FRMD4A: variants seen among roughly 807,000 people sequenced by gnomAD.
The protein encoded by FRMD4A is FERM domain containing 4A.
A neutral mutation model predicts 129.1 loss-of-function variants in FRMD4A; 29 were observed. The observed-to-expected ratio is 0.22, with a 90% CI of 0.17 to 0.31. The LOEUF (loss-of-function observed/expected upper bound fraction) is 0.31. Among genes scored for constraint, FRMD4A ranks in the 10% least tolerant of loss-of-function variants. The pLI, the probability that FRMD4A is intolerant of heterozygous loss-of-function variation, is 1.00. For synonymous variants in FRMD4A, 634 were observed against 571.6 expected, an observed-to-expected ratio of 1.11 and a Z score of -1.56; for missense variants, 1,272 against 1,375.8, an observed-to-expected ratio of 0.92 and a Z score of 1.19.
chr10:14,077,976 G>A (rs1482239741), intron 2 of FRMD4A, among the ~76,000 whole-genome samples: 3 of 152,122 alleles, frequency 2.0e-5, no homozygotes, highest in Admixed American at 6.5e-5. Flanking sequence ...AGATGAGAAA[G>A]GTTTTATAAG....
At chr10:14,307,425 T>G (rs1414862263) in intron 2 of FRMD4A, among the ~76,000 whole-genome samples, 1 of 152,212 alleles carries the variant, frequency 6.6e-6, no homozygotes, top group Non-Finnish European at 1.5e-5. Flanking sequence ...AGGTTGTCAT[T>G]AGTGACATTC....
chr10:14,315,633 G>T (rs543717723), intron 2 of FRMD4A, among the ~76,000 whole-genome samples: 12 of 152,284 alleles, frequency 7.9e-5, no homozygotes, highest in Non-Finnish European at 1.3e-4. Flanking sequence ...TATGGATCAA[G>T]CTCCTCAGCA....
At chr10:13,651,756 A>G in intron 24 of FRMD4A, 147 bp downstream of exon 24, 1 of 630,058 alleles carries the variant, frequency 1.6e-6, no homozygotes, top group East Asian at 2.7e-5. Context: ...TCAGCTAAAA[A>G]CATAGTTCCA....
chr10:14,163,889 G>C (rs1407364585), intron 2 of FRMD4A, among the ~76,000 whole-genome samples: 2 of 152,110 alleles, frequency 1.3e-5, no homozygotes, highest in Non-Finnish European at 2.9e-5. Flanking sequence ...ACTGGCTTGG[G>C]GCCTCTCCGA....
intron 2 of FRMD4A, among the ~76,000 whole-genome samples, chr10:14,040,374 G>A (rs1285755737): frequency 6.6e-6 from 1 of 152,040 alleles, no homozygotes; most frequent in African/African-American, 2.4e-5. Flanking sequence ...GGCTGTAGGG[G>A]TGGTTTCTGG....
rs568514807 is a variant in FRMD4A at position 13,654,485 on chromosome 10, G to A, written c.2981C>T (p.Ser994Leu). Residue 994 changes from serine to leucine, a missense_variant, in exon 23 of 25, where the codon TCG becomes TTG. This residue lies in a region of FRMD4A where 972 missense variants were observed against 892.3 expected (regional missense o/e 1.09). Transcript: ENST00000357447. ...GGCTCCAATTTCACTTGACGGTGTC[G>A]AGCTTCTCTGGCTTTGAGGTAAGGC... ...SAALPQSQRSSTPSSEIGATP... is the reference protein window; with the variant it reads ...SAALPQSQRSLTPSSEIGATP... 29 of 1,613,654 alleles carry A rather than the reference G, an allele frequency of 1.8e-5. No homozygotes were observed. Among genetic ancestry groups the A allele is most frequent in the Middle Eastern group, 1.6e-4 (1 of 6,062 alleles).
At chr10:14,267,769 G>T (rs1211227488) in intron 2 of FRMD4A, among the ~76,000 whole-genome samples, 1 of 152,254 alleles carries the variant, frequency 6.6e-6, no homozygotes, top group Non-Finnish European at 1.5e-5. Context: ...CTAACTAGGT[G>T]TCCTGGAGAA....
intron 2 of FRMD4A, among the ~76,000 whole-genome samples, chr10:14,179,539 A>G (rs912218747): frequency 6.6e-6 from 1 of 152,184 alleles, no homozygotes; most frequent in Non-Finnish European, 1.5e-5. Context: ...CATTTATAAT[A>G]TAAATATCCG....
chr10:13,749,717 G>A (rs183199727), intron 8 of FRMD4A, among the ~76,000 whole-genome samples: 22 of 152,176 alleles, frequency 1.4e-4, no homozygotes, highest in African/African-American at 4.8e-4. Context: ...GGCCAGGCGT[G>A]GTGGCTCATG....
At chr10:14,182,887 A>T (rs544083322) in intron 2 of FRMD4A, among the ~76,000 whole-genome samples, 2 of 152,286 alleles carry the variant, frequency 1.3e-5, no homozygotes, top group East Asian at 3.9e-4. Flanking sequence ...ACGTTGGGAG[A>T]AGTACTCATT....
intron 2 of FRMD4A, chr10:14,083,797 T>C (rs1199117279): frequency 6.6e-6 from 1 of 152,126 alleles, no homozygotes; most frequent in African/African-American, 2.4e-5. Flanking sequence ...ACAGAAAATC[T>C]TGGAATGAGC....
intron 2 of FRMD4A, chr10:14,326,687 TG>T: frequency 2.5e-6 from 1 of 396,660 alleles, no homozygotes; most frequent in Non-Finnish European, 4.4e-6. Flanking sequence ...ATCCTTATCC[TG>T]GCTCTAAAGA....
intron 2 of FRMD4A, among the ~76,000 whole-genome samples, chr10:13,881,752 G>A (rs113500003): frequency 1.3e-5 from 2 of 151,852 alleles, no homozygotes; most frequent in African/African-American, 4.8e-5. Context: ...TGAACAGGTC[G>A]TCACTGTCCA....
chr10:14,209,465 G>A (rs1316896937), intron 2 of FRMD4A, among the ~76,000 whole-genome samples: 1 of 152,256 alleles, frequency 6.6e-6, no homozygotes, highest in East Asian at 1.9e-4. Context: ...TAAGGAAAGT[G>A]GTGGGCATGG....
At chr10:14,079,518 A>C (rs965148779) in intron 2 of FRMD4A, among the ~76,000 whole-genome samples, 16 of 152,230 alleles carry the variant, frequency 1.1e-4, no homozygotes, top group African/African-American at 3.9e-4. Flanking sequence ...TTTGACATCC[A>C]ACACCAATGT....
chr10:14,145,410 C>T (rs564230596), intron 2 of FRMD4A, among the ~76,000 whole-genome samples: 22 of 152,288 alleles, frequency 1.4e-4, no homozygotes, highest in Non-Finnish European at 2.8e-4. Context: ...CTCAGAACCA[C>T]GTCTGAGCGC....
intron 2 of FRMD4A, among the ~76,000 whole-genome samples, chr10:14,288,985 C>T (rs1845768202): frequency 6.6e-6 from 1 of 152,076 alleles, no homozygotes; most frequent in Non-Finnish European, 1.5e-5. Context: ...AATAACATTC[C>T]AGTATATGTA....
At chr10:13,855,309 C>G (rs137944583) in intron 3 of FRMD4A, among the ~76,000 whole-genome samples, 1 of 152,250 alleles carries the variant, frequency 6.6e-6, no homozygotes, top group African/African-American at 2.4e-5. Flanking sequence ...TCAGCTTTCT[C>G]GCCCAACACT....
At chr10:14,060,722 T>G (rs887845868) in intron 2 of FRMD4A, among the ~76,000 whole-genome samples, 1 of 152,236 alleles carries the variant, frequency 6.6e-6, no homozygotes, top group Non-Finnish European at 1.5e-5. Flanking sequence ...CAAGGCAACA[T>G]TCTCCAATTA....
Sources: allele counts gnomAD v4.1 joint callset (sites outside exome capture counted in the v4.1 genomes callset), GRCh38; gene constraint gnomAD v4.1.1; regional missense constraint gnomAD v4.1.1; transcripts MANE v1.5; gene names NCBI Gene and HGNC (gene_info 2026-07-23, HGNC 2026-07-21).